The following WBP2NL variants were observed in gnomAD, a reference collection of about 807,000 sequenced individuals.
WBP2NL encodes the protein postacrosomal sheath WW domain-binding protein.
In WBP2NL, 27 loss-of-function variants were observed where a neutral mutation model predicts 23.3. The observed-to-expected ratio is 1.16, with a 90% CI of 0.85 to 1.60. The LOEUF is 1.60. Ranked by LOEUF, WBP2NL falls within the 40% of genes most tolerant of loss-of-function variation. The pLI, the probability that WBP2NL is intolerant of heterozygous loss-of-function variation, is 0.00. For missense variants in WBP2NL, 370 were observed against 389.5 expected (o/e 0.95, Z 0.42); for synonymous variants, 151 against 145.9 (o/e 1.03, Z -0.25).
intron 8 of WBP2NL, among the ~76,000 whole-genome samples, chr22:42,040,232 T>C (rs1044533051): frequency 1.3e-5 from 2 of 151,466 alleles, no homozygotes; most frequent in Admixed American, 1.3e-4. Flanking sequence ...CTCTCTCTTT[T>C]TTTTTTTTTA....
chr22:42,001,897 T>C, intron 1 of WBP2NL: 1 of 1,463,670 alleles, frequency 6.8e-7, no homozygotes, highest in Non-Finnish European at 9.1e-7. Flanking sequence ...GCTACCGCCA[T>C]CTTGGAGATG....
intron 1 of WBP2NL, among the ~76,000 whole-genome samples, chr22:42,000,905 G>T (rs1021501886): frequency 6.6e-6 from 1 of 152,060 alleles, no homozygotes; most frequent in Non-Finnish European, 1.5e-5. Context: ...TGAGGCAGGA[G>T]AATTGCTCCA....
At chr22:42,038,450 A>G (rs1260320630) in intron 8 of WBP2NL, among the ~76,000 whole-genome samples, 6 of 152,118 alleles carry the variant, frequency 3.9e-5, no homozygotes, top group Non-Finnish European at 8.8e-5. Flanking sequence ...TGTTATCTTT[A>G]GCTTTGGAAT....
At chr22:42,019,891 C>T in intron 3 of WBP2NL, 88 bp downstream of exon 3, 1 of 1,595,940 alleles carries the variant, frequency 6.3e-7, no homozygotes, top group Non-Finnish European at 8.5e-7. Flanking sequence ...TGTTGAAATT[C>T]AAACAAAAGC....
chr22:42,008,214 CCCTT>C (rs1922479843), intron 1 of WBP2NL, among the ~76,000 whole-genome samples: 1 of 141,108 alleles, frequency 7.1e-6, no homozygotes, highest in Admixed American at 7.2e-5. Context: ...CTCCTCCCCT[CCCTT>C]CCCTTTTTTT....
intron 8 of WBP2NL, among the ~76,000 whole-genome samples, chr22:42,054,484 C>G (rs982721345): frequency 5.3e-5 from 8 of 152,134 alleles, no homozygotes; most frequent in Middle Eastern, 3.4e-3. Context: ...ACCCACCGTA[C>G]CCAGCCTGTT....
rs925748945 is a variant in WBP2NL, at chr22:42,001,788, C to T, written c.62+2908C>T. 14 of 1,209,392 alleles carry T rather than the reference C, an allele frequency of 1.2e-5. No individual in the cohort carries two copies. The African/African-American group carries it at 1.2e-4, about 10-fold the overall frequency. The allele number at this position is 1,209,392 out of a possible 1,614,324, so 74.9% of individuals were successfully genotyped here. A position where few individuals can be genotyped will look rare whatever the true frequency, so the allele number is the denominator to read the frequency against. On this transcript the variant is annotated intron_variant, in intron 1 of 5. Transcript: ENST00000328823. ...CAGGACTCCGTGCTCCTTGGGAATA[C>T]AGACCATGCAGTCTCTAATGCCCTT...
downstream of WBP2NL, among the ~76,000 whole-genome samples, chr22:42,036,165 A>ATCAT (rs1421389158): frequency 1.3e-5 from 2 of 151,812 alleles, no homozygotes; most frequent in Admixed American, 6.6e-5. Flanking sequence ...GGATTGTTTG[A>ATCAT]TCATATGTTC....
chr22:42,053,441 T>C (rs1215949963), intron 8 of WBP2NL, among the ~76,000 whole-genome samples: 1 of 151,822 alleles, frequency 6.6e-6, no homozygotes, highest in African/African-American at 2.4e-5. Flanking sequence ...ATGGGCATCT[T>C]TTTTTTTCCT....
Position 42,049,716 on chromosome 22 carries a change from A to C in WBP2NL, c.*274-8574A>C, listed in dbSNP as rs1418134661. On this transcript the variant is annotated intron_variant and NMD_transcript_variant, in intron 8 of 8. Coordinates refer to the WBP2NL transcript ENST00000436265. ...AAAACAAAACAAAACAAAAAAAAAA[A>C]AAAAAAAAAAAAAAATAGAACATTT... is the stretch of plus-strand genomic sequence containing the variant. Among the ~76,000 whole-genome samples the C allele has an allele frequency of 5.2e-4, 77 of 147,332 alleles. 2 individuals carry two copies. Among genetic ancestry groups the C allele is most frequent in the East Asian group, 2.6e-3 (13 of 5,088 alleles).
At chr22:42,043,691 C>A (rs2146818265) in intron 8 of WBP2NL, among the ~76,000 whole-genome samples, 1 of 152,012 alleles carries the variant, frequency 6.6e-6, no homozygotes, top group East Asian at 1.9e-4. Context: ...AATGTTCTTT[C>A]AACAATCTTT....
At chr22:42,046,448 G>A (rs1406155584) in intron 8 of WBP2NL, among the ~76,000 whole-genome samples, 1 of 152,124 alleles carries the variant, frequency 6.6e-6, no homozygotes, top group African/African-American at 2.4e-5. Context: ...CACATAGAAT[G>A]ATGAATAAAA....
downstream of WBP2NL, among the ~76,000 whole-genome samples, chr22:42,037,589 T>C (rs898450064): frequency 1.6e-4 from 25 of 152,200 alleles, no homozygotes; most frequent in Admixed American, 7.9e-4. Flanking sequence ...ACATGAGATG[T>C]CTTTCCACTT....
chr22:42,050,976 A>G (rs1925819880), intron 8 of WBP2NL, among the ~76,000 whole-genome samples: 1 of 152,190 alleles, frequency 6.6e-6, no homozygotes, highest in African/African-American at 2.4e-5. Flanking sequence ...TGTCCCAGCA[A>G]TTGTGCTCCT....
intron 8 of WBP2NL, among the ~76,000 whole-genome samples, chr22:42,052,333 A>T (rs1044208445): frequency 2.6e-5 from 4 of 151,796 alleles, no homozygotes; most frequent in African/African-American, 7.3e-5. Flanking sequence ...CCCAGGCTGG[A>T]GTACAGTGGT....
At chr22:42,037,872 T>C (rs1925248226), downstream of WBP2NL, among the ~76,000 whole-genome samples, 1 of 151,864 alleles carries the variant, frequency 6.6e-6, no homozygotes, top group Non-Finnish European at 1.5e-5. Flanking sequence ...TGTGTGTGTG[T>C]GTGTGTGTGT....
At chr22:42,034,619 G>T (rs902703184), downstream of WBP2NL, among the ~76,000 whole-genome samples, 1 of 152,130 alleles carries the variant, frequency 6.6e-6, no homozygotes, top group East Asian at 1.9e-4. Context: ...TTTATTAGGC[G>T]GGAATTTCCT....
At chr22:42,029,126 G>C (rs1924753707), downstream of WBP2NL, among the ~76,000 whole-genome samples, 1 of 151,986 alleles carries the variant, frequency 6.6e-6, no homozygotes, top group South Asian at 2.1e-4. Context: ...TCTTATTGTA[G>C]GCTCATCAAG....
At chr22:42,012,910 T>G (rs1185211651) in intron 1 of WBP2NL, among the ~76,000 whole-genome samples, 1 of 151,668 alleles carries the variant, frequency 6.6e-6, no homozygotes, top group Non-Finnish European at 1.5e-5. Flanking sequence ...GAGAATCACT[T>G]GAACTCAGGA....
Sources: allele counts gnomAD v4.1 joint callset (sites outside exome capture counted in the v4.1 genomes callset), GRCh38; gene constraint gnomAD v4.1.1; transcripts MANE v1.5; gene names NCBI Gene and HGNC (gene_info 2026-07-23, HGNC 2026-07-21).